The following DLG2 variants were observed in gnomAD, a reference collection of about 807,000 sequenced individuals.
DLG2 encodes the protein disks large homolog 2.
In DLG2, 45 loss-of-function variants were observed where a neutral mutation model predicts 132.5. The observed-to-expected ratio is 0.34, with a 90% CI of 0.27 to 0.44. DLG2 has a LOEUF of 0.44. Ranked by LOEUF, DLG2 falls within the 20% of genes least tolerant of loss-of-function variation. The pLI is 1.00. For missense variants in DLG2, 1,045 were observed against 1,196.9 expected, an observed-to-expected ratio of 0.87 and a Z score of 1.87; for synonymous variants, 424 against 419.6, an observed-to-expected ratio of 1.01 and a Z score of -0.13.
intron 3 of DLG2, among the ~76,000 whole-genome samples, chr11:85,399,579 A>T (rs2087820327): frequency 6.6e-6 from 1 of 152,078 alleles, no homozygotes; most frequent in South Asian, 2.1e-4. Flanking sequence ...GTACTAAAAC[A>T]GACATATAGA....
intron 3 of DLG2, among the ~76,000 whole-genome samples, chr11:85,484,046 G>A (rs909548764): frequency 2.6e-5 from 4 of 152,088 alleles, no homozygotes; most frequent in Non-Finnish European, 5.9e-5. Flanking sequence ...GCTAAATACC[G>A]GCACGAGACC....
intron 6 of DLG2, among the ~76,000 whole-genome samples, chr11:84,813,636 C>A (rs1237070820): frequency 1.3e-5 from 2 of 152,046 alleles, no homozygotes; most frequent in Non-Finnish European, 2.9e-5. Context: ...GGTGGAATAA[C>A]AGATATTGAG....
chr11:84,738,809 C>T (rs1333697792), intron 6 of DLG2, among the ~76,000 whole-genome samples: 2 of 152,146 alleles, frequency 1.3e-5, no homozygotes, highest in Admixed American at 6.5e-5. Context: ...TATGTCTACA[C>T]AGTCTGCAGC....
intron 18 of DLG2, among the ~76,000 whole-genome samples, chr11:83,677,236 GC>G (rs1381462999): frequency 6.6e-6 from 1 of 152,058 alleles, no homozygotes; most frequent in Admixed American, 6.6e-5. Flanking sequence ...CTAAAGGCAT[GC>G]TTTGTCTTGC....
intron 12 of DLG2, among the ~76,000 whole-genome samples, chr11:83,967,387 A>G (rs2090446023): frequency 6.6e-6 from 1 of 151,978 alleles, no homozygotes; most frequent in Non-Finnish European, 1.5e-5. Flanking sequence ...CCACATCCTC[A>G]CTGACATTTG....
chr11:85,458,283 A>T (rs2092484736), intron 3 of DLG2, among the ~76,000 whole-genome samples: 1 of 151,084 alleles, frequency 6.6e-6, no homozygotes, highest in African/African-American at 2.4e-5. Context: ...CAGCTCTATC[A>T]AATCTGTTTG....
At chr11:85,140,542 T>C (rs926292066) in intron 5 of DLG2, among the ~76,000 whole-genome samples, 3 of 151,764 alleles carry the variant, frequency 2.0e-5, no homozygotes, top group Non-Finnish European at 4.4e-5. Context: ...AACTGGGATA[T>C]CCATCACCTC....
intron 3 of DLG2, among the ~76,000 whole-genome samples, chr11:85,353,825 C>A (rs868250742): frequency 2.0e-5 from 3 of 151,992 alleles, no homozygotes; most frequent in Non-Finnish European, 4.4e-5. Context: ...ACATCACACA[C>A]TGGAGCCTGT....
At chr11:84,584,674 CTTTTTTTTTTTTTTT>C (rs71036428) in intron 6 of DLG2, among the ~76,000 whole-genome samples, 3 of 55,854 alleles carry the variant, frequency 5.4e-5, no homozygotes, top group East Asian at 6.9e-4. Context: ...CCCAGCATTC[CTTTTTTTTTTTTTTT>C]TTTTTTTTTT....
chr11:85,432,661 C>T (rs761217599), intron 3 of DLG2, among the ~76,000 whole-genome samples: 1 of 151,906 alleles, frequency 6.6e-6, no homozygotes, highest in South Asian at 2.1e-4. Context: ...CCCAGAAATA[C>T]GGAACTACAT....
chr11:84,533,864 C>G (rs532783863), intron 7 of DLG2, among the ~76,000 whole-genome samples: 18 of 119,584 alleles, frequency 1.5e-4, no homozygotes, highest in African/African-American at 5.4e-4. Context: ...CCTTTATAAG[C>G]TTTTTATCCC....
intron 3 of DLG2, among the ~76,000 whole-genome samples, chr11:85,351,116 G>A (rs990925394): frequency 4.6e-5 from 7 of 152,120 alleles, no homozygotes; most frequent in South Asian, 2.1e-4. Context: ...CCTTGAAGAG[G>A]TCCTTCACAT....
At chr11:84,265,448 C>T (rs888102193) in intron 7 of DLG2, among the ~76,000 whole-genome samples, 2 of 152,094 alleles carry the variant, frequency 1.3e-5, no homozygotes, top group Admixed American at 6.6e-5. Flanking sequence ...AAGAAGGATC[C>T]TTCAAGTAGC....
At chr11:84,482,439 T>C (rs1169987427) in intron 7 of DLG2, among the ~76,000 whole-genome samples, 1 of 152,186 alleles carries the variant, frequency 6.6e-6, no homozygotes, top group Non-Finnish European at 1.5e-5. Flanking sequence ...AAAGGGCCTA[T>C]AGTATGAGAA....
At chr11:84,442,734 G>GAA (rs540549249) in intron 7 of DLG2, among the ~76,000 whole-genome samples, 1 of 151,304 alleles carries the variant, frequency 6.6e-6, no homozygotes, top group African/African-American at 2.4e-5. Context: ...AAGAAAGAAA[G>GAA]AAATTTCAGT....
intron 6 of DLG2, among the ~76,000 whole-genome samples, chr11:84,938,961 G>A (rs573217858): frequency 6.6e-6 from 1 of 152,216 alleles, no homozygotes; most frequent in Admixed American, 6.5e-5. Flanking sequence ...CAAAATTATA[G>A]TTGGATGGAA....
intron 3 of DLG2, among the ~76,000 whole-genome samples, chr11:85,582,649 C>T (rs1388350533): frequency 9.9e-5 from 6 of 60,832 alleles, no homozygotes; most frequent in African/African-American, 3.3e-4. Context: ...CATGGTGAAA[C>T]CCCATCTCTA....
chr11:84,794,281 T>G (rs2074257843), intron 6 of DLG2, among the ~76,000 whole-genome samples: 1 of 152,176 alleles, frequency 6.6e-6, no homozygotes, highest in African/African-American at 2.4e-5. Flanking sequence ...GTAACGGGAT[T>G]GTAACACAAA....
intron 16 of DLG2, among the ~76,000 whole-genome samples, chr11:83,863,108 A>G (rs1422732233): frequency 5.9e-5 from 9 of 152,224 alleles, no homozygotes; most frequent in Non-Finnish European, 1.5e-5. Flanking sequence ...AATATTTTGA[A>G]TGAAACAGAG....
Sources: allele counts gnomAD v4.1 joint callset (sites outside exome capture counted in the v4.1 genomes callset), GRCh38; gene constraint gnomAD v4.1.1; transcripts MANE v1.5; gene names NCBI Gene and HGNC (gene_info 2026-07-23, HGNC 2026-07-21).